Variants in LRP1B observed in about 807,000 individuals in gnomAD.
LRP1B encodes low-density lipoprotein receptor-related protein 1B.
LRP1B carries 217 observed loss-of-function variants against 556.6 expected under a neutral mutation model. That is an observed-to-expected ratio of 0.39 (90% CI 0.35 to 0.44). LRP1B has a LOEUF of 0.44. Ranked by LOEUF, LRP1B falls within the 20% of genes least tolerant of loss-of-function variation. The pLI, the probability that LRP1B is intolerant of heterozygous loss-of-function variation, is 1.00. For synonymous variants in LRP1B, 2,047 were observed against 1,865.8 expected, an observed-to-expected ratio of 1.10 and a Z score of -2.50; for missense variants, 5,053 against 5,620.8, an observed-to-expected ratio of 0.90 and a Z score of 3.23.
rs141275519 is a variant in LRP1B, at chr2:141,438,029, T to C, written c.343+42367A>G. On this transcript the variant is annotated intron_variant, in intron 3 of 90. Coordinates refer to ENST00000389484, the MANE Select transcript of LRP1B (RefSeq NM_018557.3). ...GGGTAGCAGGAGTGCATTGACTATA[T>C]AACATTTGGAAGTGAGGCATCTAAA... Among the ~76,000 whole-genome samples, 36 of 152,224 alleles carry C rather than the reference T, an allele frequency of 2.4e-4. No individual in the cohort carries two copies. In the East Asian group the frequency reaches 6.6e-3, roughly 28 times the overall value.
chr2:141,943,432 A>T (rs1333994147), intron 1 of LRP1B, among the ~76,000 whole-genome samples: 3 of 152,192 alleles, frequency 2.0e-5, no homozygotes, highest in African/African-American at 7.2e-5. Flanking sequence ...ATGGATTCAC[A>T]TTAGGGTTCT....
intron 1 of LRP1B, among the ~76,000 whole-genome samples, chr2:141,836,976 A>G (rs1166376755): frequency 6.6e-6 from 1 of 151,974 alleles, no homozygotes; most frequent in East Asian, 1.9e-4. Flanking sequence ...TATATGTGTA[A>G]ATACAAAAAT....
intron 37 of LRP1B, 113 bp from the exon 38 acceptor site, chr2:140,702,666 A>G: frequency 1.1e-6 from 1 of 942,870 alleles, no homozygotes; most frequent in East Asian, 2.6e-5. Context: ...GAATAAAAAT[A>G]ATACATTTCG....
chr2:140,866,017 T>C (rs577126422), intron 27 of LRP1B, among the ~76,000 whole-genome samples: 33 of 152,098 alleles, frequency 2.2e-4, no homozygotes, highest in Non-Finnish European at 3.8e-4. Flanking sequence ...GAGAAGGACA[T>C]TGATCCTATT....
At chr2:141,997,442 TATACACAC>T (rs1369098179) in intron 1 of LRP1B, among the ~76,000 whole-genome samples, 1,185 of 12,080 alleles carry the variant, frequency 0.098, 18 homozygotes, top group African/African-American at 0.13. Flanking sequence ...TGTGTGTGTA[TATACACAC>T]ACACACACAC....
chr2:140,237,962 A>C (rs1390902721), intron 89 of LRP1B, among the ~76,000 whole-genome samples, 190 bp downstream of exon 89: 1 of 150,960 alleles, frequency 6.6e-6, no homozygotes, highest in Admixed American at 6.6e-5. Context: ...GATGTGTTAC[A>C]CTCAGCTTCA....
In LRP1B at chr2:140,326,014, T is replaced by C. The variant is rs142751432; in HGVS notation, c.12224-136A>G. 3.0e-4 allele frequency: 184 copies of C among 612,618 alleles called. No individual in the cohort carries two copies. The African/African-American group carries it at 3.2e-3, about 11-fold the overall frequency. The allele number at this position is 612,618 out of a possible 1,614,324, so 37.9% of individuals were successfully genotyped here. A position where few individuals can be genotyped will look rare whatever the true frequency, so the allele number is the denominator to read the frequency against. On this transcript the variant is annotated intron_variant, in intron 79 of 90. Transcript: ENST00000389484. ...CATAGAAATTACCTGGTGCCCATCA[T>C]GAAACTGTAGAAATTAGAAAAAGTA...
At chr2:141,272,284 T>C (rs191934671) in intron 3 of LRP1B, among the ~76,000 whole-genome samples, 37 of 152,194 alleles carry the variant, frequency 2.4e-4, no homozygotes, top group Non-Finnish European at 4.4e-5. Flanking sequence ...ATATATCTTG[T>C]ATTACTTAGG....
intron 86 of LRP1B, among the ~76,000 whole-genome samples, chr2:140,256,859 T>G (rs1371204546): frequency 1.3e-5 from 2 of 151,884 alleles, no homozygotes; most frequent in Non-Finnish European, 1.5e-5. Flanking sequence ...ACATAAAATT[T>G]GTATCATCTG....
chr2:141,889,822 G>C lies in LRP1B; in HGVS notation c.83-79421C>G, dbSNP rs532749984. ...TGCTTGTCCTTGAAAAAGTAAAAAA[G>C]TATAAATCAGAACTCAAGAAATTGA... is the stretch of plus-strand genomic sequence containing the variant. On this transcript the variant is annotated intron_variant, in intron 1 of 90. Transcript: ENST00000389484. 1.9e-4 allele frequency among the ~76,000 whole-genome samples: 29 copies of C among 152,104 alleles called. 1 individual carries two copies. The highest frequency in any genetic ancestry group is 2.6e-4 in the Non-Finnish European group (18 of 68,014).
chr2:141,034,344 A>C lies in LRP1B; in HGVS notation c.1790-14242T>G, dbSNP rs541263121. Among the ~76,000 whole-genome samples the C allele has an allele frequency of 1.9e-3, 284 of 152,178 alleles. 2 individuals carry two copies. Among genetic ancestry groups the C allele is most frequent in the African/African-American group, 6.4e-3 (267 of 41,546 alleles). ...ACACCAAAAGCAATGGCAACAAAAG[A>C]CAAAATTGACAAATGGGATCTAATT... On this transcript the variant is annotated intron_variant, in intron 11 of 90. Transcript: ENST00000389484.
intron 7 of LRP1B, among the ~76,000 whole-genome samples, chr2:141,163,428 TATG>T (rs1350042480): frequency 6.6e-6 from 1 of 152,038 alleles, no homozygotes; most frequent in Non-Finnish European, 1.5e-5. Flanking sequence ...CATTTAGACA[TATG>T]ATAATTTGGG....
In LRP1B at chr2:141,354,537, A is replaced by G. The variant is rs538856214; in HGVS notation, c.344-99896T>C. Among the ~76,000 whole-genome samples, 8 of 152,166 alleles carry G rather than the reference A, an allele frequency of 5.3e-5. No homozygotes were observed. In the South Asian group the frequency reaches 1.7e-3, roughly 32 times the overall value. ...CACATTCACAAAACTTAACACCTCA[A>G]TGTACTGGAATATAAATATTCTTAC... On this transcript the variant is annotated intron_variant, in intron 3 of 90. Coordinates refer to ENST00000389484, the MANE Select transcript of LRP1B (RefSeq NM_018557.3).
intron 81 of LRP1B, among the ~76,000 whole-genome samples, chr2:140,322,999 T>TTG (rs1680235297): frequency 6.6e-6 from 1 of 151,968 alleles, no homozygotes; most frequent in African/African-American, 2.4e-5. Context: ...CAGCAAGACT[T>TTG]TGGATAAAAT....
chr2:141,921,320 A>G (rs868830581), intron 1 of LRP1B, among the ~76,000 whole-genome samples: 1 of 152,060 alleles, frequency 6.6e-6, no homozygotes, highest in African/African-American at 2.4e-5. Flanking sequence ...TTCAATAATC[A>G]GCTTTCTGGT....
intron 32 of LRP1B, among the ~76,000 whole-genome samples, 164 bp from the exon 33 acceptor site, chr2:140,776,402 G>C (rs954258264): frequency 6.7e-6 from 1 of 148,940 alleles, no homozygotes; most frequent in Non-Finnish European, 1.5e-5. Context: ...AATGCAGCTC[G>C]TAGTGACATT....
At position 140,503,061 on chromosome 2, in the gene LRP1B, C is replaced by T. The variant is rs1483027266; in HGVS notation, c.8564G>A (p.Gly2855Glu). The T allele has an allele frequency of 3.1e-6, 5 of 1,613,150 alleles. No homozygotes were observed. The highest frequency in any genetic ancestry group is 4.2e-6 in the Non-Finnish European group (5 of 1,179,388). ...CGTEEFSCAD[G>E]RCLLNTQWQC... is the part of the protein sequence containing the mutation. ...CCATTGAGTATTTAGAAGACACCGC[C>T]CATCAGCACAACTAAATTCTTCTGT... Residue 2855 changes from glycine (G) to glutamate (E), a missense_variant, in exon 54 of 91, where the codon GGG becomes GAG. Gly to Glu is a moderately conservative substitution (Grantham distance 98). Transcript: ENST00000389484.
chr2:141,992,109 AATG>A (rs1227378795), intron 1 of LRP1B, among the ~76,000 whole-genome samples: 3 of 152,146 alleles, frequency 2.0e-5, no homozygotes, highest in African/African-American at 7.2e-5. Flanking sequence ...AATACAATGT[AATG>A]TATATAGTCA....
At chr2:141,103,519 A>G (rs1344387046) in intron 7 of LRP1B, among the ~76,000 whole-genome samples, 1 of 77,254 alleles carries the variant, frequency 1.3e-5, no homozygotes, top group Admixed American at 1.4e-4. Flanking sequence ...CATAGCACAC[A>G]CATTCTCTCT....
Sources: gnomAD v4.1 joint callset for allele counts (sites outside exome capture counted in the v4.1 genomes callset) on GRCh38, gnomAD v4.1.1 for gene constraint, MANE v1.5 for transcripts, NCBI Gene and HGNC (gene_info 2026-07-23, HGNC 2026-07-21) for gene names.